BMPR2: variants seen among roughly 807,000 people sequenced by gnomAD.
BMPR2 encodes the protein bone morphogenetic protein receptor type-2.
BMPR2 carries 29 observed loss-of-function variants against 100.8 expected under a neutral mutation model. That is an observed-to-expected ratio of 0.29 (90% CI 0.21 to 0.39). BMPR2 has a LOEUF of 0.39. BMPR2 is among the 10% of genes least tolerant of loss of function. The pLI is 1.00. For missense variants in BMPR2, 1,011 were observed against 1,274.5 expected (o/e 0.79, Z 3.15); for synonymous variants, 382 against 442.3 (o/e 0.86, Z 1.71).
Position 202,560,060 on chromosome 2 carries a change from C to T in BMPR2, c.*114C>T. On this transcript the variant is annotated 3_prime_UTR_variant, in exon 13 of 13. Coordinates refer to ENST00000374580, the MANE Select transcript of BMPR2 (RefSeq NM_001204.7). ...CCTCCTGTCAGCACCCCCTCCCACC[C>T]CTGCAACAAAGACTTGCTTTAAATA... 9.9e-6 allele frequency: 13 copies of T among 1,307,132 alleles called. No homozygotes were observed. Among genetic ancestry groups the T allele is most frequent in the South Asian group, 4.0e-5 (3 of 74,492 alleles). 81.0% of individuals were successfully genotyped at this position (1,307,132 alleles called of 1,614,324 possible).
chr2:202,563,276 ATTTTTT>A lies in BMPR2; in HGVS notation c.*3331_*3336del. The A allele has an allele frequency of 6.6e-6, 1 of 152,164 alleles. No homozygotes were observed. The highest frequency in any genetic ancestry group is 2.4e-5 in the African/African-American group (1 of 41,438). The allele number at this position is 152,164 out of a possible 1,614,324, so 9.4% of individuals were successfully genotyped here. On this transcript the variant is annotated 3_prime_UTR_variant, in exon 13 of 13. Transcript: ENST00000374580. Reference sequence around the variant, plus strand: ...GTGAAACCCCGTCTCTATTAAAAATATTTTTTAAAAATTAACTGAGCGTGGTGGTGG... The same window carrying A: ...GTGAAACCCCGTCTCTATTAAAAATAAAAAATTAACTGAGCGTGGTGGTGG...
chr2:202,487,042 A>C (rs1559053228), intron 3 of BMPR2, among the ~76,000 whole-genome samples: 1 of 151,772 alleles, frequency 6.6e-6, no homozygotes, highest in Non-Finnish European at 1.5e-5. Flanking sequence ...TACTTATTAT[A>C]ATTGATTTCC....
At chr2:202,476,699 G>C (rs1559050225) in intron 3 of BMPR2, among the ~76,000 whole-genome samples, 1 of 152,134 alleles carries the variant, frequency 6.6e-6, no homozygotes, top group Admixed American at 6.5e-5. Context: ...TGAGGCAGGA[G>C]AATTGCTGGA....
intron 1 of BMPR2, among the ~76,000 whole-genome samples, chr2:202,454,130 C>T (rs931395538): frequency 5.3e-5 from 8 of 151,998 alleles, no homozygotes; most frequent in Non-Finnish European, 7.4e-5. Context: ...AGTGCAGTGG[C>T]GTGAACTTGG....
intron 1 of BMPR2, among the ~76,000 whole-genome samples, chr2:202,443,045 G>A (rs930519598): frequency 6.6e-5 from 10 of 150,526 alleles, no homozygotes; most frequent in Non-Finnish European, 1.5e-4. Context: ...TAATCCAATA[G>A]GGCTGGTTCC....
At chr2:202,399,727 C>G (rs1187014330) in intron 1 of BMPR2, among the ~76,000 whole-genome samples, 1 of 152,150 alleles carries the variant, frequency 6.6e-6, no homozygotes, top group Non-Finnish European at 1.5e-5. Context: ...ATTTTTTCCT[C>G]TAGTACTGTC....
At chr2:202,417,716 C>G (rs2105921542) in intron 1 of BMPR2, among the ~76,000 whole-genome samples, 1 of 150,072 alleles carries the variant, frequency 6.7e-6, no homozygotes, top group East Asian at 1.9e-4. Flanking sequence ...TTTCTATATT[C>G]CTTTTTTTTT....
intron 9 of BMPR2, among the ~76,000 whole-genome samples, chr2:202,534,221 G>GTA (rs952251980): frequency 2.6e-4 from 36 of 140,742 alleles, no homozygotes; most frequent in South Asian, 2.1e-3. Flanking sequence ...GTGTGTGTGT[G>GTA]TATATATATA....
intron 3 of BMPR2, among the ~76,000 whole-genome samples, chr2:202,507,177 A>G (rs1013284426): frequency 2.0e-5 from 3 of 151,996 alleles, no homozygotes; most frequent in Admixed American, 2.0e-4. Context: ...CTAGGATAAG[A>G]GCAGCCTTGG....
At position 202,500,844 on chromosome 2, in the gene BMPR2, T is replaced by C. The variant is rs541450387; in HGVS notation, c.419-12875T>C. ...ACGGTTCTGGACCTCAAGGATGCCT[T>C]CTTCTGTATTCCCCTGCACTCTGAC... On this transcript the variant is annotated intron_variant, in intron 3 of 12. Coordinates refer to ENST00000374580, the MANE Select transcript of BMPR2 (RefSeq NM_001204.7). Among the ~76,000 whole-genome samples, 486 of 152,236 alleles carry C rather than the reference T, an allele frequency of 3.2e-3. 2 individuals are homozygous for C. The highest frequency in any genetic ancestry group is 0.011 in the African/African-American group (471 of 41,536).
intron 3 of BMPR2, among the ~76,000 whole-genome samples, chr2:202,468,319 CAAT>C (rs1692366098): frequency 6.6e-6 from 1 of 152,036 alleles, no homozygotes; most frequent in Non-Finnish European, 1.5e-5. Context: ...TCTACCAAAA[CAAT>C]AAATAAATTA....
intron 3 of BMPR2, among the ~76,000 whole-genome samples, chr2:202,509,315 A>G (rs553685189): frequency 8.3e-4 from 127 of 152,192 alleles, no homozygotes; most frequent in Middle Eastern, 3.4e-3. Context: ...TGTTGCTTAT[A>G]TTAGTAACAA....
chr2:202,430,953 C>CT (rs1248490113), intron 1 of BMPR2, among the ~76,000 whole-genome samples: 7 of 147,558 alleles, frequency 4.7e-5, no homozygotes, highest in Middle Eastern at 6.9e-3. Context: ...GAGCGAAACT[C>CT]TGTCTCCAAA....
At chr2:202,398,696 G>A (rs1690701876) in intron 1 of BMPR2, among the ~76,000 whole-genome samples, 1 of 152,322 alleles carries the variant, frequency 6.6e-6, no homozygotes, top group East Asian at 1.9e-4. Context: ...AGCAAAATAA[G>A]TTGGAACCCT....
chr2:202,386,784 G>T (rs1004535806), intron 1 of BMPR2, among the ~76,000 whole-genome samples: 1 of 151,854 alleles, frequency 6.6e-6, no homozygotes, highest in African/African-American at 2.4e-5. Flanking sequence ...GGATTCAAGT[G>T]ATTCTCCTGC....
At chr2:202,558,163 T>C (rs1370656661) in intron 12 of BMPR2, among the ~76,000 whole-genome samples, 1 of 152,046 alleles carries the variant, frequency 6.6e-6, no homozygotes, top group East Asian at 1.9e-4. Context: ...TACAAAAAAT[T>C]TAAAACTTAG....
At chr2:202,515,901 AAG>A (rs1209714848) in intron 5 of BMPR2, among the ~76,000 whole-genome samples, 2 of 152,144 alleles carry the variant, frequency 1.3e-5, no homozygotes, top group Non-Finnish European at 2.9e-5. Context: ...AAAAAAGAAA[AAG>A]AAAATATATT....
intron 9 of BMPR2, among the ~76,000 whole-genome samples, chr2:202,533,903 C>T (rs953414428): frequency 8.5e-5 from 13 of 152,052 alleles, no homozygotes; most frequent in African/African-American, 3.1e-4. Flanking sequence ...TATAGTTTTC[C>T]CTTCTTAGGG....
chr2:202,440,929 A>C lies in BMPR2; in HGVS notation c.77-23880A>C, dbSNP rs189297419. Among the ~76,000 whole-genome samples the C allele has an allele frequency of 1.5e-3, 232 of 150,702 alleles. 21 individuals are homozygous for C. Among genetic ancestry groups the C allele is most frequent in the African/African-American group, 5.7e-3 (227 of 40,004 alleles). ...TTGTATATTTATTAAGACATTAAAT[A>C]CACATTGACTAGTATTTATTTGCTT... On this transcript the variant is annotated intron_variant, in intron 1 of 12. Coordinates refer to ENST00000374580, the MANE Select transcript of BMPR2 (RefSeq NM_001204.7).
Sources: allele counts gnomAD v4.1 joint callset (sites outside exome capture counted in the v4.1 genomes callset), GRCh38; gene constraint gnomAD v4.1.1; transcripts MANE v1.5; gene names NCBI Gene and HGNC (gene_info 2026-07-23, HGNC 2026-07-21).